The following CDC42SE2 variants were observed in gnomAD, a reference collection of about 807,000 sequenced individuals.
CDC42SE2 encodes CDC42 small effector 2, also known as CDC42 small effector protein 2.
Under a neutral mutation model 11.5 loss-of-function variants are expected in CDC42SE2, and 3 were observed. The ratio of observed to expected loss-of-function variants is 0.26; its 90% confidence interval spans 0.12 to 0.67. CDC42SE2 has a LOEUF of 0.67. Among genes scored for constraint, CDC42SE2 ranks in the 30% least tolerant of loss-of-function variants. The pLI, the probability that CDC42SE2 is intolerant of heterozygous loss-of-function variation, is 0.80. For synonymous variants in CDC42SE2, 33 were observed against 34.8 expected (o/e 0.95, Z 0.18); for missense variants, 82 against 106.8 (o/e 0.77, Z 1.02).
chr5:131,306,440 G>A (rs993849269), intron 1 of CDC42SE2, among the ~76,000 whole-genome samples: 5 of 152,106 alleles, frequency 3.3e-5, no homozygotes, highest in African/African-American at 9.7e-5. Context: ...TTTCTATCCT[G>A]TTCTGTTGGT....
intron 4 of CDC42SE2, among the ~76,000 whole-genome samples, chr5:131,389,702 C>T (rs2149791311): frequency 6.6e-6 from 1 of 152,288 alleles, no homozygotes; most frequent in African/African-American, 2.4e-5. Context: ...AGTAGGTGCT[C>T]AGTAAGTATT....
At chr5:131,361,697 A>G (rs982570190) in intron 3 of CDC42SE2, among the ~76,000 whole-genome samples, 2 of 151,900 alleles carry the variant, frequency 1.3e-5, no homozygotes, top group Non-Finnish European at 2.9e-5. Context: ...AAGGAGTGCA[A>G]AGTTTTATTG....
chr5:131,220,256 G>A, the CDC42SE2 span, among the ~76,000 whole-genome samples: 2 of 152,104 alleles, frequency 1.3e-5, no homozygotes, highest in African/African-American at 4.8e-5. Context: ...CCCCAGGCTG[G>A]AGTGCCGTGG....
intron 1 of CDC42SE2, among the ~76,000 whole-genome samples, chr5:131,279,202 T>C (rs184761188): frequency 1.3e-5 from 2 of 152,228 alleles, no homozygotes; most frequent in Non-Finnish European, 2.9e-5. Context: ...TTCAAAGTTA[T>C]GTTCTCTTTA....
intron 1 of CDC42SE2, among the ~76,000 whole-genome samples, chr5:131,285,750 A>G (rs1483735781): frequency 6.6e-6 from 1 of 152,218 alleles, no homozygotes; most frequent in African/African-American, 2.4e-5. Flanking sequence ...AATATATTCA[A>G]GAACATAAGC....
intron 1 of CDC42SE2, among the ~76,000 whole-genome samples, chr5:131,247,543 C>T (rs898019351): frequency 8.6e-5 from 13 of 151,874 alleles, no homozygotes; most frequent in Admixed American, 2.0e-4. Flanking sequence ...CACTTGAACC[C>T]GGGAGGTGGA....
chr5:131,301,602 A>G (rs1757683998), intron 1 of CDC42SE2, among the ~76,000 whole-genome samples: 2 of 151,894 alleles, frequency 1.3e-5, no homozygotes, highest in African/African-American at 2.4e-5. Flanking sequence ...TACTAAAAAT[A>G]TAAAAATTAG....
At chr5:131,246,598 G>A (rs952279749) in intron 1 of CDC42SE2, among the ~76,000 whole-genome samples, 6 of 152,062 alleles carry the variant, frequency 3.9e-5, no homozygotes, top group African/African-American at 1.4e-4. Flanking sequence ...ATAGAGTTAG[G>A]TTACCTTTTA....
chr5:131,322,141 C>A (rs187993439), intron 2 of CDC42SE2, among the ~76,000 whole-genome samples: 12 of 152,166 alleles, frequency 7.9e-5, no homozygotes, highest in Admixed American at 2.6e-4. Context: ...TGAGCCACCA[C>A]GCCTGGCAGA....
At chr5:131,239,805 C>T in the CDC42SE2 span, among the ~76,000 whole-genome samples, 1 of 152,154 alleles carries the variant, frequency 6.6e-6, no homozygotes, top group African/African-American at 2.4e-5. Context: ...TCTGGTTTCT[C>T]ATTTGGGGAA....
At chr5:131,282,393 G>A (rs996121508) in intron 1 of CDC42SE2, among the ~76,000 whole-genome samples, 2 of 152,154 alleles carry the variant, frequency 1.3e-5, no homozygotes, top group African/African-American at 4.8e-5. Flanking sequence ...AAGGTTTAAG[G>A]AATGGTGCTT....
At chr5:131,320,727 C>T (rs1324197519) in intron 2 of CDC42SE2, among the ~76,000 whole-genome samples, 13 of 151,794 alleles carry the variant, frequency 8.6e-5, no homozygotes, top group African/African-American at 2.4e-4. Context: ...GGCGACAGAG[C>T]GAGACTCTGT....
At chr5:131,310,500 C>G (rs1380207827) in intron 1 of CDC42SE2, among the ~76,000 whole-genome samples, 1 of 151,872 alleles carries the variant, frequency 6.6e-6, no homozygotes, top group African/African-American at 2.4e-5. Context: ...CCTGGATATC[C>G]TTGTTGACTT....
chr5:131,389,512 T>G (rs910124482), intron 4 of CDC42SE2, among the ~76,000 whole-genome samples: 17 of 152,238 alleles, frequency 1.1e-4, no homozygotes, highest in African/African-American at 4.1e-4. Flanking sequence ...AAAACACATT[T>G]TCTCATTAAG....
intron 3 of CDC42SE2, among the ~76,000 whole-genome samples, chr5:131,382,852 A>T (rs1445790859): frequency 6.6e-6 from 1 of 152,170 alleles, no homozygotes; most frequent in Non-Finnish European, 1.5e-5. Context: ...GATGGTAAAG[A>T]TTACATTTCT....
intron 2 of CDC42SE2, among the ~76,000 whole-genome samples, chr5:131,319,125 G>A (rs539505039): frequency 1.2e-3 from 178 of 152,024 alleles, no homozygotes; most frequent in African/African-American, 4.2e-3. Flanking sequence ...GGCTGGTTTC[G>A]AACTCCAGAC....
At chr5:131,334,415 C>G (rs1580760548) in intron 2 of CDC42SE2, among the ~76,000 whole-genome samples, 2 of 152,128 alleles carry the variant, frequency 1.3e-5, no homozygotes, top group African/African-American at 4.8e-5. Context: ...GGATATTGGT[C>G]TAAAATTCTC....
chr5:131,250,148 C>G (rs919586833), intron 1 of CDC42SE2, among the ~76,000 whole-genome samples: 1 of 152,200 alleles, frequency 6.6e-6, no homozygotes, highest in African/African-American at 2.4e-5. Flanking sequence ...AACTCTTGCA[C>G]ATATACAACA....
intron 2 of CDC42SE2, among the ~76,000 whole-genome samples, chr5:131,338,017 A>G (rs1364413683): frequency 1.3e-5 from 2 of 152,242 alleles, no homozygotes; most frequent in African/African-American, 4.8e-5. Context: ...TCAGTTGGAA[A>G]TGCAGAAATC....
Sources: gnomAD v4.1 joint callset for allele counts (sites outside exome capture counted in the v4.1 genomes callset) on GRCh38, gnomAD v4.1.1 for gene constraint, MANE v1.5 for transcripts, NCBI Gene and HGNC (gene_info 2026-07-23, HGNC 2026-07-21) for gene names.